Variants in YTHDC2 observed in about 807,000 individuals in gnomAD.
YTHDC2 encodes the protein YTH N6-methyladenosine RNA binding protein C2.
YTHDC2 carries 45 observed loss-of-function variants against 174.9 expected under a neutral mutation model. That is an observed-to-expected ratio of 0.26 (90% CI 0.20 to 0.33). YTHDC2 has a LOEUF of 0.33. Ranked by LOEUF, YTHDC2 falls within the 10% of genes least tolerant of loss-of-function variation. YTHDC2 has a pLI of 1.00. For missense variants in YTHDC2, 1,650 were observed against 1,723.7 expected (o/e 0.96, Z 0.76); for synonymous variants, 657 against 574.5 (o/e 1.14, Z -2.05).
At chr5:113,538,962 T>C (rs4345310) in intron 7 of YTHDC2, 112 bp from the exon 8 acceptor site, 25,188 of 543,612 alleles carry the variant, frequency 0.046, 1,369 homozygotes, top group African/African-American at 0.2. Context: ...ACTTGAACTA[T>C]GAAATTGCTT....
chr5:113,515,240 A>G (rs1386655704), intron 1 of YTHDC2, 32 bp from the exon 2 acceptor site: 1 of 1,576,236 alleles, frequency 6.3e-7, no homozygotes, highest in Non-Finnish European at 8.6e-7. Flanking sequence ...GCCTATCTAC[A>G]AATTTTACTA....
chr5:113,517,536 A>G (rs752412271), intron 2 of YTHDC2: 2 of 456,194 alleles, frequency 4.4e-6, no homozygotes, highest in Non-Finnish European at 8.8e-6. Context: ...TTATGGAGAC[A>G]AAAATGGGGA....
At chr5:113,588,143 C>T (rs1305471441) in intron 26 of YTHDC2, among the ~76,000 whole-genome samples, 1 of 152,004 alleles carries the variant, frequency 6.6e-6, no homozygotes, top group African/African-American at 2.4e-5. Flanking sequence ...TTTATGCCTT[C>T]TGATAATAAA....
At chr5:113,514,123 C>T (rs1773224609) in intron 1 of YTHDC2, 41 bp downstream of exon 1, 1 of 1,582,472 alleles carries the variant, frequency 6.3e-7, no homozygotes, top group Non-Finnish European at 8.6e-7. Flanking sequence ...GTCAGGATAC[C>T]CCCCTCACCC....
intron 4 of YTHDC2, among the ~76,000 whole-genome samples, chr5:113,529,410 C>G (rs1305451335): frequency 1.3e-5 from 2 of 152,042 alleles, no homozygotes; most frequent in African/African-American, 4.8e-5. Flanking sequence ...GTGGAAATGC[C>G]AGATCAAGGA....
At chr5:113,526,502 G>A in intron 3 of YTHDC2, 84 bp from the exon 4 acceptor site, 1 of 1,153,010 alleles carries the variant, frequency 8.7e-7, no homozygotes, top group Non-Finnish European at 1.2e-6. Flanking sequence ...GTTTTTCTAG[G>A]TTTGGCAAAA....
intron 23 of YTHDC2, among the ~76,000 whole-genome samples, chr5:113,576,093 A>G (rs898530575): frequency 5.3e-5 from 8 of 152,036 alleles, no homozygotes; most frequent in Admixed American, 5.2e-4. Context: ...TGGCTAAGAC[A>G]CTCTAAGTAA....
intron 4 of YTHDC2, among the ~76,000 whole-genome samples, chr5:113,527,885 G>A (rs1774377469): frequency 6.6e-6 from 1 of 152,028 alleles, no homozygotes. Context: ...GTGCCTCCCA[G>A]GTTCAAGCGA....
At chr5:113,519,573 A>C (rs1054244490) in intron 2 of YTHDC2, among the ~76,000 whole-genome samples, 1 of 152,208 alleles carries the variant, frequency 6.6e-6, no homozygotes, top group Non-Finnish European at 1.5e-5. Flanking sequence ...GTGACTGCTA[A>C]GGTCACTGCC....
Position 113,526,763 on chromosome 5 carries a change from C to A in YTHDC2, c.653C>A (p.Thr218Asn), listed in dbSNP as rs1261295763. The change falls in exon 4 of 30, where the codon ACT becomes AAT. Residue 218 changes from threonine (T) to asparagine (N), a missense_variant. Transcript: ENST00000161863. Reference protein sequence around the residue: ...ENKVVLIVGETGSGKTTQIPQ... With the variant: ...ENKVVLIVGENGSGKTTQIPQ... Reference sequence around the variant, plus strand: ...AAAGTAGTTTTGATTGTAGGAGAAACTGGGTCTGGAAAGACCACACAGGTT... The same window carrying A: ...AAAGTAGTTTTGATTGTAGGAGAAAATGGGTCTGGAAAGACCACACAGGTT... 6.6e-7 allele frequency: 1 copy of A among 1,517,804 alleles called. No individual in the cohort carries two copies. Among genetic ancestry groups the A allele is most frequent in the Non-Finnish European group, 8.8e-7 (1 of 1,130,722 alleles). The allele number at this position is 1,517,804 out of a possible 1,614,324, so 94.0% of individuals were successfully genotyped here.
At chr5:113,555,381 A>G (rs1265975922) in intron 16 of YTHDC2, among the ~76,000 whole-genome samples, 3 of 152,180 alleles carry the variant, frequency 2.0e-5, no homozygotes, top group Non-Finnish European at 2.9e-5. Flanking sequence ...AAGGGAAAGT[A>G]TAAGTACCGA....
chr5:113,545,718 A>G (rs1352732360), intron 10 of YTHDC2, among the ~76,000 whole-genome samples: 2 of 131,738 alleles, frequency 1.5e-5, no homozygotes, highest in Non-Finnish European at 3.2e-5. Context: ...TTGAAAAATA[A>G]TTGATCTCCA....
At chr5:113,576,547 G>T (rs964238951) in intron 23 of YTHDC2, among the ~76,000 whole-genome samples, 1 of 152,094 alleles carries the variant, frequency 6.6e-6, no homozygotes, top group Non-Finnish European at 1.5e-5. Context: ...AACCATATTA[G>T]CACCGTTAAG....
chr5:113,593,547 T>G lies in YTHDC2; in HGVS notation c.*73T>G. On this transcript the variant is annotated 3_prime_UTR_variant, in exon 30 of 30. Coordinates refer to ENST00000161863, the MANE Select transcript of YTHDC2 (RefSeq NM_022828.5). ...ACTGAATGCACTGACTTTCAAAAAC[T>G]GAGGTGGGGTGTGTGTTACGAATGG... 1.8e-6 allele frequency: 1 copy of G among 549,930 alleles called. No homozygotes were observed. The highest frequency in any genetic ancestry group is 4.4e-4 in the Middle Eastern group (1 of 2,294). The allele number at this position is 549,930 out of a possible 1,614,324, so 34.1% of individuals were successfully genotyped here. A position where few individuals can be genotyped will look rare whatever the true frequency, so the allele number is the denominator to read the frequency against.
Position 113,526,567 on chromosome 5 carries a change from CT to C in YTHDC2, c.476-15del. The C allele has an allele frequency of 6.5e-7, 1 of 1,536,512 alleles. No homozygotes were observed. On this transcript the variant is annotated intron_variant, in intron 3 of 29. Coordinates refer to ENST00000161863, the MANE Select transcript of YTHDC2 (RefSeq NM_022828.5). ...CCGTGTTGATCATACATTTTTTGTT[CT>C]TTTATTCATTTTCAAAGAAAACCGG...
intron 7 of YTHDC2, among the ~76,000 whole-genome samples, chr5:113,537,446 T>C (rs1321450566): frequency 6.6e-6 from 1 of 151,536 alleles, no homozygotes; most frequent in Non-Finnish European, 1.5e-5. Context: ...TTCTTCATTA[T>C]ATCCCATGCT....
chr5:113,554,693 A>C (rs1776482511), intron 16 of YTHDC2, among the ~76,000 whole-genome samples: 1 of 152,008 alleles, frequency 6.6e-6, no homozygotes, highest in Non-Finnish European at 1.5e-5. Flanking sequence ...TCAAAGCCTA[A>C]AATATTTACT....
chr5:113,576,739 A>G (rs1778076670), intron 23 of YTHDC2, among the ~76,000 whole-genome samples: 1 of 151,926 alleles, frequency 6.6e-6, no homozygotes, highest in African/African-American at 2.4e-5. Context: ...GGGTACTGAT[A>G]TTTTACTCAA....
intron 5 of YTHDC2, among the ~76,000 whole-genome samples, chr5:113,533,723 A>G (rs1167356297): frequency 6.6e-6 from 1 of 152,192 alleles, no homozygotes; most frequent in Non-Finnish European, 1.5e-5. Flanking sequence ...CAGTAGTAGT[A>G]TAAATTGAGC....
Sources: allele counts gnomAD v4.1 joint callset (sites outside exome capture counted in the v4.1 genomes callset), GRCh38; gene constraint gnomAD v4.1.1; transcripts MANE v1.5; gene names NCBI Gene and HGNC (gene_info 2026-07-23, HGNC 2026-07-21).